SMIM7: variants seen among roughly 807,000 people sequenced by gnomAD.
SMIM7 encodes UPF0608 protein C19orf42.
A neutral mutation model predicts 13.3 loss-of-function variants in SMIM7; 12 were observed. That is an observed-to-expected ratio of 0.90 (90% CI 0.58 to 1.46). SMIM7 has a LOEUF of 1.46. SMIM7 is among the 40% of genes most tolerant of loss of function. The pLI is 0.00. For missense variants in SMIM7, 114 were observed against 94.8 expected, an observed-to-expected ratio of 1.20 and a Z score of -0.84; for synonymous variants, 36 against 35.8, an observed-to-expected ratio of 1.01 and a Z score of -0.02.
chr19:16,642,872 G>T, downstream of SMIM7, among the ~76,000 whole-genome samples: 1 of 145,484 alleles, frequency 6.9e-6, no homozygotes, highest in Non-Finnish European at 1.5e-5. Context: ...CACCCAGGCT[G>T]CAGTGCAGCG....
At chr19:16,642,464 T>C (rs1207326783), downstream of SMIM7, among the ~76,000 whole-genome samples, 1 of 152,044 alleles carries the variant, frequency 6.6e-6, no homozygotes, top group Non-Finnish European at 1.5e-5. Flanking sequence ...GCATGAGAAT[T>C]GCTTGAACCT....
chr19:16,653,342 G>A (rs1277176381), intron 4 of SMIM7, among the ~76,000 whole-genome samples: 5 of 152,174 alleles, frequency 3.3e-5, no homozygotes, highest in African/African-American at 1.2e-4. Flanking sequence ...CAGCACTTTG[G>A]GAGGCCGAGG....
intron 4 of SMIM7, among the ~76,000 whole-genome samples, chr19:16,652,114 A>G (rs982817227): frequency 2.0e-5 from 3 of 152,252 alleles, no homozygotes; most frequent in African/African-American, 4.8e-5. Context: ...TCCCTGCCCC[A>G]GGACCTTTGC....
At position 16,646,923 on chromosome 19, in the gene SMIM7, C is replaced by A; in HGVS notation, c.*323G>T. 2.4e-6 allele frequency: 1 copy of A among 415,208 alleles called. No individual in the cohort carries two copies. The allele number at this position is 415,208 out of a possible 1,614,324, so 25.7% of individuals were successfully genotyped here. On this transcript the variant is annotated 3_prime_UTR_variant, in exon 5 of 5. Coordinates refer to ENST00000487416, the MANE Select transcript of SMIM7 (RefSeq NM_024104.4). ...GTGTTAAACTAACAAGCCAATCCTTCTGCTCAGATCTCTGGATAGAAATGA... is the reference window on the plus strand; with the variant it reads ...GTGTTAAACTAACAAGCCAATCCTTATGCTCAGATCTCTGGATAGAAATGA...
chr19:16,655,967 C>T (rs1382946645), intron 3 of SMIM7, among the ~76,000 whole-genome samples: 1 of 152,228 alleles, frequency 6.6e-6, no homozygotes, highest in Non-Finnish European at 1.5e-5. Flanking sequence ...CCAGCACAGA[C>T]TAGAAACATT....
intron 3 of SMIM7, among the ~76,000 whole-genome samples, chr19:16,656,013 C>G (rs192847622): frequency 2.6e-5 from 4 of 152,286 alleles, no homozygotes; most frequent in African/African-American, 9.6e-5. Context: ...TTTTGAGAGG[C>G]GCTGCTCAGC....
At chr19:16,635,829 G>A (rs1350879120) in intron 4 of SMIM7, among the ~76,000 whole-genome samples, 1 of 145,200 alleles carries the variant, frequency 6.9e-6, no homozygotes, top group African/African-American at 2.6e-5. Flanking sequence ...GGTTGCAATG[G>A]GCCCAGATTG....
chr19:16,653,979 C>T, intron 4 of SMIM7, 56 bp downstream of exon 4: 1 of 1,430,136 alleles, frequency 7.0e-7, no homozygotes, highest in Non-Finnish European at 9.8e-7. Flanking sequence ...AGGTGGGTCA[C>T]CCTGGAGAAG....
intron 4 of SMIM7, chr19:16,634,020 G>C (rs962515695): frequency 1.3e-5 from 2 of 152,154 alleles, no homozygotes; most frequent in Admixed American, 6.5e-5. Flanking sequence ...CGCTGGGATT[G>C]TTCTGATCTC....
intron 4 of SMIM7, among the ~76,000 whole-genome samples, chr19:16,633,026 T>C (rs1349210166): frequency 1.3e-5 from 2 of 151,990 alleles, no homozygotes; most frequent in Non-Finnish European, 2.9e-5. Flanking sequence ...AATAGGGGAG[T>C]ACGTAAATAA....
chr19:16,648,577 T>C (rs2086479259), intron 4 of SMIM7, among the ~76,000 whole-genome samples: 1 of 152,238 alleles, frequency 6.6e-6, no homozygotes, highest in African/African-American at 2.4e-5. Flanking sequence ...AGAACCCTTA[T>C]GGATCAGCAA....
intron 4 of SMIM7, among the ~76,000 whole-genome samples, chr19:16,649,303 C>T (rs780766261): frequency 3.3e-5 from 5 of 152,042 alleles, no homozygotes; most frequent in Non-Finnish European, 7.4e-5. Context: ...TTCAGCCAGG[C>T]GCAGTGGTTC....
intron 4 of SMIM7, among the ~76,000 whole-genome samples, chr19:16,633,029 G>A (rs1467153684): frequency 5.9e-5 from 9 of 152,216 alleles, no homozygotes; most frequent in Admixed American, 3.9e-4. Context: ...AGGGGAGTAC[G>A]TAAATAAACT....
At chr19:16,658,110 A>T (rs1599378302) in intron 3 of SMIM7, among the ~76,000 whole-genome samples, 1 of 152,100 alleles carries the variant, frequency 6.6e-6, no homozygotes, top group Non-Finnish European at 1.5e-5. Context: ...CACCGCCTTG[A>T]CTGTGACGCC....
At position 16,647,270 on chromosome 19, in the gene SMIM7, G is replaced by A. The variant is rs1341368618; in HGVS notation, c.213-9C>T. The A allele has an allele frequency of 6.2e-7, 1 of 1,614,004 alleles. No homozygotes were observed. Among genetic ancestry groups the A allele is most frequent in the Non-Finnish European group, 8.5e-7 (1 of 1,180,000 alleles). ...TTCAAGAGCCGAACAGCCTGGAGAAGTCAGAGGGCAGAAATGTCTGTGAGG... is the reference window on the plus strand; with the variant it reads ...TTCAAGAGCCGAACAGCCTGGAGAAATCAGAGGGCAGAAATGTCTGTGAGG... On this transcript the variant is annotated splice_polypyrimidine_tract_variant and intron_variant, in intron 4 of 4. Transcript: ENST00000487416.
chr19:16,652,307 T>C (rs1474464246), intron 4 of SMIM7: 1 of 153,910 alleles, frequency 6.5e-6, no homozygotes, highest in Non-Finnish European at 1.4e-5. Flanking sequence ...GCTCAAGTGA[T>C]TCTCCCACCT....
Position 16,647,000 on chromosome 19 carries a change from C to T in SMIM7, c.*246G>A, listed in dbSNP as rs1276428986. ...ATTTCATCACAGCCCCTTACATAAA[C>T]GCTCCTGAAACCCTTTCAGTAGACA... On this transcript the variant is annotated 3_prime_UTR_variant, in exon 5 of 5. Transcript: ENST00000487416. The T allele has an allele frequency of 1.7e-5, 10 of 582,160 alleles. No individual in the cohort carries two copies. Among genetic ancestry groups the T allele is most frequent in the Non-Finnish European group, 2.1e-5 (7 of 326,500 alleles). The allele number at this position is 582,160 out of a possible 1,614,324, so 36.1% of individuals were successfully genotyped here. A position where few individuals can be genotyped will look rare whatever the true frequency, so the allele number is the denominator to read the frequency against.
chr19:16,656,520 C>T (rs1459104810), intron 3 of SMIM7, among the ~76,000 whole-genome samples: 2 of 152,054 alleles, frequency 1.3e-5, no homozygotes, highest in Non-Finnish European at 2.9e-5. Context: ...TGTGACTGCT[C>T]TGGTGGGAAA....
intron 4 of SMIM7, chr19:16,638,968 C>T (rs2086381827): frequency 6.6e-6 from 1 of 152,228 alleles, no homozygotes; most frequent in African/African-American, 2.4e-5. Context: ...ACAATGTACT[C>T]TAATTAGATG....
Sources: gnomAD v4.1 joint callset for allele counts (sites outside exome capture counted in the v4.1 genomes callset) on GRCh38, gnomAD v4.1.1 for gene constraint, MANE v1.5 for transcripts, NCBI Gene and HGNC (gene_info 2026-07-23, HGNC 2026-07-21) for gene names.